Variants in STIM1 observed in about 807,000 individuals in gnomAD.
The protein encoded by STIM1 is stromal interaction molecule 1.
STIM1 carries 25 observed loss-of-function variants against 74.7 expected under a neutral mutation model. The observed-to-expected ratio is 0.33, with a 90% CI of 0.24 to 0.47. The LOEUF (loss-of-function observed/expected upper bound fraction) is 0.47, where lower values mean the gene tolerates loss of function less well. Among genes scored for constraint, STIM1 ranks in the 20% least tolerant of loss-of-function variants. The pLI is 1.00. For synonymous variants in STIM1, 328 were observed against 348.8 expected, an observed-to-expected ratio of 0.94 and a Z score of 0.66; for missense variants, 728 against 920.8, an observed-to-expected ratio of 0.79 and a Z score of 2.71.
Position 4,091,607 on chromosome 11 carries a change from G to A in STIM1, c.1960G>A (p.Asp654Asn), listed in dbSNP as rs765041336. The part of the protein sequence containing the change: ...SSRSHSPSSP[D>N]PDTPSPVGDS... ...CCGTTCTCACAGCCCCAGCTCCCCA[G>A]ACCCAGACACACCATCTCCAGTTGG... Residue 654 changes from aspartate to asparagine, a missense_variant, in exon 13 of 13, where the codon GAC becomes AAC. Physicochemically the swap from Asp to Asn is conservative, Grantham distance 23 (BLOSUM62 1). Coordinates refer to ENST00000526596, the MANE Select transcript of STIM1 (RefSeq NM_001382567.1). 3.7e-6 allele frequency: 6 copies of A among 1,614,012 alleles called. No homozygotes were observed. In the Admixed American group the frequency reaches 1.0e-4, roughly 27 times the overall value.
In STIM1 at chr11:4,071,611, A is replaced by G. The variant is rs2094404207; in HGVS notation, c.791+1408A>G. 5.3e-5 allele frequency among the ~76,000 whole-genome samples: 8 copies of G among 152,302 alleles called. No homozygotes were observed. The South Asian group carries it at 1.7e-3, about 32-fold the overall frequency. ...TACCTCAGCCTCCCAAAGTGCTGGG[A>G]TTACAGGCCTGAGCCACTGTGCCCA... On this transcript the variant is annotated intron_variant, in intron 6 of 12. Coordinates refer to ENST00000526596, the MANE Select transcript of STIM1 (RefSeq NM_001382567.1).
At chr11:3,998,117 G>C (rs185349246) in intron 2 of STIM1, among the ~76,000 whole-genome samples, 1 of 152,124 alleles carries the variant, frequency 6.6e-6, no homozygotes, top group African/African-American at 2.4e-5. Flanking sequence ...ACACAGACAG[G>C]AGAGCTTATT....
chr11:3,932,576 G>A (rs1342334715), intron 1 of STIM1, among the ~76,000 whole-genome samples: 1 of 151,002 alleles, frequency 6.6e-6, no homozygotes, highest in Non-Finnish European at 1.5e-5. Flanking sequence ...GCAGGAGAAT[G>A]GCATGAATCC....
chr11:3,864,564 G>A (rs2090776744), intron 1 of STIM1, among the ~76,000 whole-genome samples: 1 of 152,212 alleles, frequency 6.6e-6, no homozygotes, highest in African/African-American at 2.4e-5. Flanking sequence ...TGGTCCAAGA[G>A]AGCGCAAGAG....
intron 7 of STIM1, among the ~76,000 whole-genome samples, chr11:4,077,911 A>T (rs1316049877): frequency 6.6e-6 from 1 of 152,126 alleles, no homozygotes; most frequent in Non-Finnish European, 1.5e-5. Flanking sequence ...TCTATCTTTT[A>T]TCTATTGTAT....
In STIM1 at chr11:3,863,248, G is replaced by C. The variant is rs887552447; in HGVS notation, c.139+6839G>C. ...TGTGTGTGTGTGTGTGTGTGTGTGT[G>C]TGTGTGTGTGTGTGTGTGTATGTAT... On this transcript the variant is annotated intron_variant, in intron 1 of 12. Coordinates refer to ENST00000526596, the MANE Select transcript of STIM1 (RefSeq NM_001382567.1). Among the ~76,000 whole-genome samples, 6 of 65,662 alleles carry C rather than the reference G, an allele frequency of 9.1e-5. 1 individual carries two copies. Among genetic ancestry groups the C allele is most frequent in the African/African-American group, 4.5e-4 (6 of 13,362 alleles). The allele number at this position is 65,662 out of a possible 152,430, so 43.1% of individuals were successfully genotyped here. A position where few individuals can be genotyped will look rare whatever the true frequency, so the allele number is the denominator to read the frequency against.
chr11:4,015,270 C>T (rs1035730033), intron 2 of STIM1, among the ~76,000 whole-genome samples: 1 of 152,194 alleles, frequency 6.6e-6, no homozygotes, highest in Admixed American at 6.5e-5. Context: ...TCAGCATTTG[C>T]TTGTCTGTAA....
At chr11:4,018,092 A>G (rs1006699895) in intron 2 of STIM1, among the ~76,000 whole-genome samples, 6 of 152,210 alleles carry the variant, frequency 3.9e-5, no homozygotes, top group Non-Finnish European at 5.9e-5. Context: ...AGACAGGTGG[A>G]TCACCTGAGG....
In STIM1 at chr11:3,975,406, C is replaced by T. The variant is rs2093437405; in HGVS notation, c.270+7724C>T. ...CTGAGGCAGGCAGATCACTTGAGGT[C>T]AGGAGTTTGAGACCAGCTTGGCCAA... On this transcript the variant is annotated intron_variant, in intron 2 of 12. Coordinates refer to ENST00000526596, the MANE Select transcript of STIM1 (RefSeq NM_001382567.1). Among the ~76,000 whole-genome samples, 4 of 152,220 alleles carry T rather than the reference C, an allele frequency of 2.6e-5. No homozygotes were observed. In the South Asian group the frequency reaches 8.3e-4, roughly 31 times the overall value.
At chr11:4,050,557 T>C (rs1266797945) in intron 3 of STIM1, among the ~76,000 whole-genome samples, 1 of 152,228 alleles carries the variant, frequency 6.6e-6, no homozygotes. Context: ...AAAACATCAG[T>C]TTGACCTCTG....
intron 5 of STIM1, among the ~76,000 whole-genome samples, chr11:4,066,752 T>A (rs1028172405): frequency 6.6e-6 from 1 of 152,204 alleles, no homozygotes; most frequent in Non-Finnish European, 1.5e-5. Flanking sequence ...TATGTTTACC[T>A]GTCCAAAGAA....
chr11:3,971,101 T>G (rs1306511972), intron 2 of STIM1, among the ~76,000 whole-genome samples: 1 of 151,874 alleles, frequency 6.6e-6, no homozygotes, highest in Non-Finnish European at 1.5e-5. Context: ...GTGGGCCAGG[T>G]GTGGTGGCTG....
At chr11:3,901,895 G>A (rs186444347) in intron 1 of STIM1, among the ~76,000 whole-genome samples, 1 of 152,340 alleles carries the variant, frequency 6.6e-6, no homozygotes, top group East Asian at 1.9e-4. Flanking sequence ...AGTCTCCTGA[G>A]TAGCTGAAAC....
At chr11:4,016,439 C>T (rs529235654) in intron 2 of STIM1, among the ~76,000 whole-genome samples, 2 of 152,170 alleles carry the variant, frequency 1.3e-5, no homozygotes, top group Non-Finnish European at 2.9e-5. Context: ...CAGAGGGTCA[C>T]CCGCCTGTAT....
intron 2 of STIM1, among the ~76,000 whole-genome samples, chr11:4,017,239 G>C (rs118001170): frequency 0.012 from 1,880 of 152,274 alleles, 19 homozygotes; most frequent in Middle Eastern, 0.031. Context: ...GACTCTTAAG[G>C]CCTGATTGTT....
chr11:3,953,780 C>CTTTTTTTT lies in STIM1; in HGVS notation c.140-13769_140-13768insTTTTTTTT, dbSNP rs201952182. Among the ~76,000 whole-genome samples the CTTTTTTTT allele has an allele frequency of 1.3e-4, 17 of 131,084 alleles. 3 individuals are homozygous for CTTTTTTTT. Among genetic ancestry groups the CTTTTTTTT allele is most frequent in the East Asian group, 2.3e-4 (1 of 4,400 alleles). The allele number at this position is 131,084 out of a possible 152,430, so 86.0% of individuals were successfully genotyped here. On this transcript the variant is annotated intron_variant, in intron 1 of 12. Transcript: ENST00000526596. ...TCGGTATTGACTTCTTGATCTTCTT[C>CTTTTTTTT]TTTCTTTTTTTTTTTTTTTTGAGAC...
At chr11:3,880,435 C>T (rs2091459521) in intron 1 of STIM1, among the ~76,000 whole-genome samples, 2 of 152,150 alleles carry the variant, frequency 1.3e-5, no homozygotes, top group Admixed American at 6.5e-5. Context: ...CCAGTGCCTT[C>T]TCAGGGCAAT....
At chr11:3,904,901 G>T (rs954938821) in intron 1 of STIM1, among the ~76,000 whole-genome samples, 1 of 152,102 alleles carries the variant, frequency 6.6e-6, no homozygotes, top group African/African-American at 2.4e-5. Context: ...AGACATGAGA[G>T]AATCATGAAC....
At chr11:3,856,964 T>C (rs1309807060) in intron 1 of STIM1, among the ~76,000 whole-genome samples, 1 of 152,180 alleles carries the variant, frequency 6.6e-6, no homozygotes, top group Non-Finnish European at 1.5e-5. Context: ...GGCGGTTTCT[T>C]AGATGGAATC....
Sources: allele counts gnomAD v4.1 joint callset (sites outside exome capture counted in the v4.1 genomes callset), GRCh38; gene constraint gnomAD v4.1.1; transcripts MANE v1.5; gene names NCBI Gene and HGNC (gene_info 2026-07-23, HGNC 2026-07-21).